The following ENTREP2 variants were observed in gnomAD, a reference collection of about 807,000 sequenced individuals.
ENTREP2 encodes the protein protein ENTREP2.
chr15:29,405,641 C>A, the ENTREP2 span, among the ~76,000 whole-genome samples: 1 of 152,308 alleles, frequency 6.6e-6, no homozygotes, highest in African/African-American at 2.4e-5. Context: ...GCACCAGCAC[C>A]CCACAGTGCC....
At chr15:29,601,660 C>T in the ENTREP2 span, among the ~76,000 whole-genome samples, 2 of 152,202 alleles carry the variant, frequency 1.3e-5, no homozygotes, top group Non-Finnish European at 2.9e-5. Flanking sequence ...ACATCCCATT[C>T]AAATTTCACT....
the ENTREP2 span, among the ~76,000 whole-genome samples, chr15:29,274,424 C>A: frequency 1.3e-5 from 2 of 149,028 alleles, no homozygotes; most frequent in African/African-American, 2.4e-5. Flanking sequence ...TGATTCAGAG[C>A]AAACATAGAC....
At chr15:29,241,910 G>T in the ENTREP2 span, among the ~76,000 whole-genome samples, 1 of 152,104 alleles carries the variant, frequency 6.6e-6, no homozygotes, top group Admixed American at 6.6e-5. Context: ...TGGGTGTGGT[G>T]GTGCATACCT....
chr15:29,610,586 G>A, the ENTREP2 span: 1 of 150,724 alleles, frequency 6.6e-6, no homozygotes, highest in Non-Finnish European at 1.5e-5. Context: ...CCATGCTGAT[G>A]TCCTTAAGCC....
At chr15:29,261,954 G>A in the ENTREP2 span, among the ~76,000 whole-genome samples, 4 of 148,680 alleles carry the variant, frequency 2.7e-5, no homozygotes, top group Non-Finnish European at 4.5e-5. Flanking sequence ...TAAACCCAAG[G>A]AAAGTAAAAA....
At chr15:29,367,071 G>A in the ENTREP2 span, among the ~76,000 whole-genome samples, 1 of 152,162 alleles carries the variant, frequency 6.6e-6, no homozygotes. Flanking sequence ...GAATCAAGTT[G>A]CTCATAACTC....
the ENTREP2 span, among the ~76,000 whole-genome samples, chr15:29,168,840 G>T: frequency 6.6e-6 from 1 of 152,160 alleles, no homozygotes; most frequent in Non-Finnish European, 1.5e-5. Context: ...CCAGGAGGGA[G>T]TTCACACACT....
At chr15:29,311,694 C>A in the ENTREP2 span, among the ~76,000 whole-genome samples, 30,530 of 151,022 alleles carry the variant, frequency 0.2, 5,828 homozygotes, top group African/African-American at 0.51. Context: ...CATCCCCCCC[C>A]CAAAAAAAAG....
the ENTREP2 span, among the ~76,000 whole-genome samples, chr15:29,325,804 A>G: frequency 1.3e-5 from 2 of 152,204 alleles, no homozygotes; most frequent in African/African-American, 4.8e-5. Flanking sequence ...TAAAAAAGGG[A>G]AACTACAGAC....
chr15:29,257,176 C>T, the ENTREP2 span, among the ~76,000 whole-genome samples: 7 of 152,046 alleles, frequency 4.6e-5, no homozygotes, highest in East Asian at 5.8e-4. Flanking sequence ...CAGGTTCAAG[C>T]GATTCTCCTG....
the ENTREP2 span, among the ~76,000 whole-genome samples, chr15:29,575,874 T>C: frequency 6.6e-6 from 1 of 152,218 alleles, no homozygotes; most frequent in African/African-American, 2.4e-5. Context: ...CTTGCTATGT[T>C]CATGCATAGA....
chr15:29,470,398 G>A, the ENTREP2 span, among the ~76,000 whole-genome samples: 50,061 of 152,058 alleles, frequency 0.33, 9,025 homozygotes, highest in African/African-American at 0.48. Context: ...GCTTCGTCTC[G>A]GGGAGCCTCC....
At chr15:29,398,272 T>G in the ENTREP2 span, among the ~76,000 whole-genome samples, 2 of 151,600 alleles carry the variant, frequency 1.3e-5, no homozygotes, top group Non-Finnish European at 2.9e-5. Flanking sequence ...GAAAACAGAA[T>G]TCAGCAGTAC....
the ENTREP2 span, among the ~76,000 whole-genome samples, chr15:29,654,561 T>C: frequency 1.3e-5 from 2 of 152,184 alleles, no homozygotes; most frequent in Admixed American, 1.3e-4. Flanking sequence ...AAGCATGTTT[T>C]ACACCCATCC....
the ENTREP2 span, among the ~76,000 whole-genome samples, chr15:29,200,684 G>A: frequency 6.6e-6 from 1 of 151,706 alleles, no homozygotes; most frequent in Non-Finnish European, 1.5e-5. Context: ...TCAGCCTCCT[G>A]AGTAGCTGGG....
the ENTREP2 span, among the ~76,000 whole-genome samples, chr15:29,155,277 A>G: frequency 5.9e-5 from 8 of 135,520 alleles, no homozygotes; most frequent in South Asian, 1.9e-3. Flanking sequence ...ACGAGACTCC[A>G]TCTCATAAAA....
At chr15:29,217,119 A>G in the ENTREP2 span, among the ~76,000 whole-genome samples, 2 of 152,230 alleles carry the variant, frequency 1.3e-5, no homozygotes, top group African/African-American at 4.8e-5. Context: ...TAAGACAATT[A>G]CAAGGTGATA....
the ENTREP2 span, among the ~76,000 whole-genome samples, chr15:29,488,279 A>T: frequency 6.6e-6 from 1 of 152,208 alleles, no homozygotes; most frequent in Non-Finnish European, 1.5e-5. Context: ...CACCAACTGA[A>T]TTTTTTTAAA....
chr15:29,216,271 T>C, the ENTREP2 span, among the ~76,000 whole-genome samples: 44 of 152,324 alleles, frequency 2.9e-4, no homozygotes, highest in African/African-American at 9.4e-4. Flanking sequence ...AATTGTTTTG[T>C]TTCAAGAGGC....
Sources: gnomAD v4.1 joint callset for allele counts (sites outside exome capture counted in the v4.1 genomes callset) on GRCh38, gnomAD v4.1.1 for gene constraint, MANE v1.5 for transcripts, NCBI Gene and HGNC (gene_info 2026-07-23, HGNC 2026-07-21) for gene names.